BICC1: variants seen among roughly 807,000 people sequenced by gnomAD.
The protein encoded by BICC1 is BicC family RNA binding protein 1, also known as protein bicaudal C homolog 1.
A neutral mutation model predicts 111.0 loss-of-function variants in BICC1; 43 were observed. The observed-to-expected ratio is 0.39, with a 90% CI of 0.30 to 0.50. BICC1 has a LOEUF of 0.50. Ranked by LOEUF, BICC1 falls within the 20% of genes least tolerant of loss-of-function variation. The pLI is 0.88. For missense variants in BICC1, 1,091 were observed against 1,203.2 expected (o/e 0.91, Z 1.38); for synonymous variants, 467 against 434.4 (o/e 1.07, Z -0.93).
chr10:58,628,955 C>T (rs1288607842), intron 2 of BICC1, among the ~76,000 whole-genome samples: 1 of 152,178 alleles, frequency 6.6e-6, no homozygotes, highest in Non-Finnish European at 1.5e-5. Context: ...CTTGACCTGA[C>T]ATGTAGCTTG....
At chr10:58,588,282 A>T (rs943569716) in intron 1 of BICC1, among the ~76,000 whole-genome samples, 1 of 152,182 alleles carries the variant, frequency 6.6e-6, no homozygotes, top group African/African-American at 2.4e-5. Context: ...TTATTTGACA[A>T]ACACATTTGG....
chr10:58,600,743 A>C (rs1564506489), intron 1 of BICC1, among the ~76,000 whole-genome samples: 1 of 152,106 alleles, frequency 6.6e-6, no homozygotes, highest in Non-Finnish European at 1.5e-5. Context: ...GGTAATGAGG[A>C]TGAAGAACTT....
chr10:58,827,517 T>C (rs1596677), intron 20 of BICC1, among the ~76,000 whole-genome samples: 6,812 of 152,252 alleles, frequency 0.045, 344 homozygotes, highest in African/African-American at 0.12. Flanking sequence ...CAGGAGCTAA[T>C]AGATACCACA....
chr10:58,813,906 A>G lies in BICC1; in HGVS notation c.2453A>G (p.Asp818Gly), dbSNP rs772887164. 1.6e-5 allele frequency: 26 copies of G among 1,613,906 alleles called. No individual in the cohort carries two copies. In the Admixed American group the frequency reaches 4.2e-4, roughly 26 times the overall value. The change falls in exon 18 of 21, where the codon GAC (aspartate) becomes GGC (glycine). Residue 818 changes from aspartate to glycine, a missense_variant. Coordinates refer to ENST00000373886, the MANE Select transcript of BICC1 (RefSeq NM_001080512.3). ...GGAAGCGAATCTGATAACTGGAGAG[A>G]CCGAAATGGAATTGGACCTGGAAGT... ...GGGSESDNWR[D>G]RNGIGPGSHS...
At chr10:58,522,828 G>C (rs1378290239) in intron 1 of BICC1, among the ~76,000 whole-genome samples, 1 of 151,918 alleles carries the variant, frequency 6.6e-6, no homozygotes, top group Non-Finnish European at 1.5e-5. Flanking sequence ...AAGAAGAAAA[G>C]AGAGAAGAAT....
intron 1 of BICC1, among the ~76,000 whole-genome samples, chr10:58,601,602 A>G (rs1845042771): frequency 6.6e-6 from 1 of 152,016 alleles, no homozygotes; most frequent in South Asian, 2.1e-4. Context: ...TTAGAAATAG[A>G]ATTACTGGAT....
intron 1 of BICC1, among the ~76,000 whole-genome samples, chr10:58,604,656 A>G (rs1845151357): frequency 6.6e-6 from 1 of 152,186 alleles, no homozygotes; most frequent in Non-Finnish European, 1.5e-5. Context: ...GCGGGGGAAA[A>G]AATAAAATAA....
At chr10:58,518,003 C>A (rs953641849) in intron 1 of BICC1, among the ~76,000 whole-genome samples, 18 of 152,186 alleles carry the variant, frequency 1.2e-4, no homozygotes, top group African/African-American at 4.3e-4. Context: ...TTATTATTGG[C>A]CTCCCTGGTA....
intron 3 of BICC1, among the ~76,000 whole-genome samples, 190 bp from the exon 4 acceptor site, chr10:58,784,811 G>A (rs1304654125): frequency 5.3e-5 from 8 of 152,038 alleles, no homozygotes; most frequent in Admixed American, 1.3e-4. Flanking sequence ...AAATGAAAAC[G>A]TGGGCATTTT....
In BICC1 at chr10:58,736,923, AATTTTATTTT is replaced by A. The variant is rs1011326715; in HGVS notation, c.307+34796_307+34805del. 4.6e-5 allele frequency among the ~76,000 whole-genome samples: 7 copies of A among 152,142 alleles called. No homozygotes were observed. In the South Asian group the frequency reaches 8.3e-4, roughly 18 times the overall value. ...TTGAACAAATAAAGAAAATAGAACT[AATTTTATTTT>A]ATTTTATTTTATTTTTTTGTCTGGG... On this transcript the variant is annotated intron_variant, in intron 3 of 20. Coordinates refer to ENST00000373886, the MANE Select transcript of BICC1 (RefSeq NM_001080512.3).
At chr10:58,544,504 A>G (rs935027602) in intron 1 of BICC1, among the ~76,000 whole-genome samples, 1 of 152,090 alleles carries the variant, frequency 6.6e-6, no homozygotes, top group African/African-American at 2.4e-5. Flanking sequence ...TTTATTTCAG[A>G]CTTGGCTTGA....
chr10:58,825,190 T>G (rs1844359350), intron 20 of BICC1, among the ~76,000 whole-genome samples: 1 of 152,180 alleles, frequency 6.6e-6, no homozygotes, highest in African/African-American at 2.4e-5. Flanking sequence ...TCTAAAACTA[T>G]TTCTGACTCA....
At chr10:58,618,057 G>C (rs959309586) in intron 1 of BICC1, among the ~76,000 whole-genome samples, 1 of 152,230 alleles carries the variant, frequency 6.6e-6, no homozygotes, top group East Asian at 1.9e-4. Context: ...CTCTGCCTAG[G>C]GGGTGGAATG....
At chr10:58,534,836 T>TA (rs34819873) in intron 1 of BICC1, among the ~76,000 whole-genome samples, 20 of 150,220 alleles carry the variant, frequency 1.3e-4, no homozygotes, top group African/African-American at 3.4e-4. Flanking sequence ...CAACACAAAT[T>TA]AAAAAAAAAT....
chr10:58,560,830 G>A (rs1843583825), intron 1 of BICC1, among the ~76,000 whole-genome samples: 1 of 151,750 alleles, frequency 6.6e-6, no homozygotes, highest in Non-Finnish European at 1.5e-5. Flanking sequence ...TGGTGTTCAG[G>A]AACATATTTT....
chr10:58,601,116 C>CT (rs1845009764), intron 1 of BICC1, among the ~76,000 whole-genome samples: 2 of 105,832 alleles, frequency 1.9e-5, no homozygotes, highest in South Asian at 6.2e-4. Flanking sequence ...TGTGTACATA[C>CT]TTTTTAGGCA....
chr10:58,764,035 A>AAGGTAC (rs145675770), intron 3 of BICC1, among the ~76,000 whole-genome samples: 2 of 152,156 alleles, frequency 1.3e-5, no homozygotes, highest in African/African-American at 4.8e-5. Flanking sequence ...GGGCCCTCAG[A>AAGGTAC]AGGTACAGGT....
At chr10:58,787,689 A>T (rs561035697) in intron 5 of BICC1, among the ~76,000 whole-genome samples, 4 of 152,326 alleles carry the variant, frequency 2.6e-5, no homozygotes, top group African/African-American at 9.6e-5. Flanking sequence ...AGCCACAAAG[A>T]TGAATAGTCT....
intron 15 of BICC1, among the ~76,000 whole-genome samples, chr10:58,806,311 G>T (rs181792697): frequency 6.6e-6 from 1 of 152,056 alleles, no homozygotes; most frequent in Non-Finnish European, 1.5e-5. Context: ...TGGTAAATAA[G>T]ATTTTTTTTT....
Sources: allele counts gnomAD v4.1 joint callset (sites outside exome capture counted in the v4.1 genomes callset), GRCh38; gene constraint gnomAD v4.1.1; transcripts MANE v1.5; gene names NCBI Gene and HGNC (gene_info 2026-07-23, HGNC 2026-07-21).